The following ITM2B variants were observed in gnomAD, a reference collection of about 807,000 sequenced individuals.
ITM2B encodes integral membrane protein 2B, also known as ABri/ADan amyloid peptide.
In ITM2B, 11 loss-of-function variants were observed where a neutral mutation model predicts 27.8. The ratio of observed to expected loss-of-function variants is 0.40; its 90% CI spans 0.25 to 0.66. The LOEUF (loss-of-function observed/expected upper bound fraction) is 0.66. ITM2B is among the 30% of genes least tolerant of loss of function. The pLI is 0.43. For missense variants in ITM2B, 296 were observed against 328.9 expected, an observed-to-expected ratio of 0.90 and a Z score of 0.77; for synonymous variants, 114 against 114.3, an observed-to-expected ratio of 1.00 and a Z score of 0.02.
chr13:48,266,009 T>C lies in ITM2B; in HGVS notation c.*4785T>C, dbSNP rs1163601066. The C allele has an allele frequency of 6.6e-6, 1 of 152,180 alleles. No homozygotes were observed. The highest frequency in any genetic ancestry group is 1.5e-5 in the Non-Finnish European group (1 of 68,042). 9.4% of individuals were successfully genotyped at this position (152,180 alleles called of 1,614,324 possible). On this transcript the variant is annotated 3_prime_UTR_variant, in exon 6 of 6. Transcript: ENST00000647800. Reference sequence around the variant, plus strand: ...ACACATAGTTGCAGCTCTTATTTATTGAATGAATGAATGATTCCTTCCCGT... The same window carrying C: ...ACACATAGTTGCAGCTCTTATTTATCGAATGAATGAATGATTCCTTCCCGT...
At chr13:48,238,567 A>G (rs1373181475) in intron 1 of ITM2B, among the ~76,000 whole-genome samples, 1 of 152,198 alleles carries the variant, frequency 6.6e-6, no homozygotes, top group Non-Finnish European at 1.5e-5. Context: ...CAATAATTTT[A>G]TGATGTTGAA....
chr13:48,233,999 CT>C (rs1356311249), intron 1 of ITM2B, among the ~76,000 whole-genome samples: 1 of 152,112 alleles, frequency 6.6e-6, no homozygotes, highest in Non-Finnish European at 1.5e-5. Context: ...TCTTTACCTC[CT>C]TTTTCCACGG....
At chr13:48,236,867 T>C (rs1283318507) in intron 1 of ITM2B, among the ~76,000 whole-genome samples, 1 of 152,214 alleles carries the variant, frequency 6.6e-6, no homozygotes, top group African/African-American at 2.4e-5. Flanking sequence ...AGTGTTGCTT[T>C]CTCTCTACCC....
intron 3 of ITM2B, among the ~76,000 whole-genome samples, chr13:48,257,294 G>T (rs1951795465): frequency 6.6e-6 from 1 of 152,130 alleles, no homozygotes; most frequent in Non-Finnish European, 1.5e-5. Flanking sequence ...AGGGACTACT[G>T]TATTTAATAT....
At chr13:48,237,578 G>A (rs1951675253) in intron 1 of ITM2B, among the ~76,000 whole-genome samples, 1 of 152,180 alleles carries the variant, frequency 6.6e-6, no homozygotes, top group African/African-American at 2.4e-5. Context: ...TATGTGACTG[G>A]AAGTATTTTT....
At chr13:48,251,885 TTTC>T (rs1951758081) in intron 1 of ITM2B, among the ~76,000 whole-genome samples, 1 of 152,258 alleles carries the variant, frequency 6.6e-6, no homozygotes, top group Admixed American at 6.5e-5. Context: ...GTCATTAAAG[TTTC>T]ATAATACCTT....
Position 48,233,274 on chromosome 13 carries a change from G to A in ITM2B, c.-87G>A. The A allele has an allele frequency of 2.5e-6, 2 of 803,142 alleles. No individual in the cohort carries two copies. Among genetic ancestry groups the A allele is most frequent in the Non-Finnish European group, 3.8e-6 (2 of 522,790 alleles). 49.8% of individuals were successfully genotyped at this position (803,142 alleles called of 1,614,324 possible). The stretch of plus-strand genomic sequence containing the variant: ...CCGCCCGGAGCCGCTCCCGGAGCCC[G>A]GCCGTAGAGGCTGCAATCGCAGCCG... On this transcript the variant is annotated 5_prime_UTR_variant, in exon 1 of 6. Coordinates refer to ENST00000647800, the MANE Select transcript of ITM2B (RefSeq NM_021999.5).
rs753647273 is a variant in ITM2B at position 48,261,130 on chromosome 13, C to T, written c.716-9C>T. 13 of 1,605,088 alleles carry T rather than the reference C, an allele frequency of 8.1e-6. No homozygotes were observed. The South Asian group carries it at 1.3e-4, about 16-fold the overall frequency. ...AAAATTTTAAAAAACTTTTTTCCCT[C>T]TCCAACAGGTATTCAGAAACGTGAA... On this transcript the variant is annotated splice_polypyrimidine_tract_variant and intron_variant, in intron 5 of 5. Coordinates refer to ENST00000647800, the MANE Select transcript of ITM2B (RefSeq NM_021999.5).
chr13:48,268,846 A>G lies in ITM2B; in HGVS notation c.*7622A>G, dbSNP rs1048969798. On this transcript the variant is annotated 3_prime_UTR_variant, in exon 6 of 6. Transcript: ENST00000647800. ...AAATATACATAATAAATACATGACA[A>G]TGCAGGAGTCCAAGTATTATTAGGT... 6.6e-6 allele frequency: 1 copy of G among 152,240 alleles called. No homozygotes were observed. Among genetic ancestry groups the G allele is most frequent in the African/African-American group, 2.4e-5 (1 of 41,452 alleles). The allele number at this position is 152,240 out of a possible 1,614,324, so 9.4% of individuals were successfully genotyped here.
In ITM2B at chr13:48,261,914, A is replaced by T. The variant is rs910110897; in HGVS notation, c.*690A>T. ...TTCCCGTATAATAAAACCAAAGAAT[A>T]GTTTGGTTCTTCAAATCTTAAGAGA... is the stretch of plus-strand genomic sequence containing the variant. On this transcript the variant is annotated 3_prime_UTR_variant, in exon 6 of 6. Transcript: ENST00000647800. The T allele has an allele frequency of 6.6e-6, 1 of 152,572 alleles. No individual in the cohort carries two copies. Among genetic ancestry groups the T allele is most frequent in the East Asian group, 1.9e-4 (1 of 5,202 alleles). The allele number at this position is 152,572 out of a possible 1,614,324, so 9.5% of individuals were successfully genotyped here.
At chr13:48,255,753 A>G (rs1951783294) in intron 2 of ITM2B, among the ~76,000 whole-genome samples, 1 of 152,174 alleles carries the variant, frequency 6.6e-6, no homozygotes, top group East Asian at 1.9e-4. Context: ...TTTTTTGGCT[A>G]ATAAGAAAAA....
Position 48,233,448 on chromosome 13 carries a change from C to A in ITM2B, c.88C>A (p.Pro30Thr), listed in dbSNP as rs769773974. The change falls in exon 1 of 6, where the codon CCC becomes ACC. Residue 30 changes from proline (P) to threonine (T), a missense_variant. Transcript: ENST00000647800. ...GAGCGGCGAGGAGGCGCTCATCATC[C>A]CCCCCGACGCCGTCGCGGTGGACTG... is the stretch of plus-strand genomic sequence containing the variant. ...PKSGEEALII[P>T]PDAVAVDCKD... The A allele has an allele frequency of 3.3e-6, 5 of 1,536,890 alleles. No homozygotes were observed. The highest frequency in any genetic ancestry group is 1.4e-5 in the African/African-American group (1 of 70,054).
intron 5 of ITM2B, among the ~76,000 whole-genome samples, chr13:48,259,791 A>G (rs1951811375): frequency 6.6e-6 from 1 of 151,506 alleles, no homozygotes; most frequent in African/African-American, 2.4e-5. Context: ...GGTTTGGGGT[A>G]CAGATGATCC....
At position 48,243,823 on chromosome 13, in the gene ITM2B, AAATT is replaced by A. The variant is rs559009054; in HGVS notation, c.118-9970_118-9967del. The stretch of plus-strand genomic sequence containing the variant: ...CAGAGCAAGACCCTGTCTCAAAAAA[AAATT>A]AATTAATTAATTAAAAAGTATATAT... On this transcript the variant is annotated intron_variant, in intron 1 of 5. Transcript: ENST00000647800. Among the ~76,000 whole-genome samples the A allele has an allele frequency of 8.3e-3, 1,259 of 152,122 alleles. 15 individuals carry two copies. The highest frequency in any genetic ancestry group is 0.029 in the African/African-American group (1,182 of 41,466).
At chr13:48,239,079 C>A (rs1288509935) in intron 1 of ITM2B, among the ~76,000 whole-genome samples, 1 of 152,154 alleles carries the variant, frequency 6.6e-6, no homozygotes, top group Non-Finnish European at 1.5e-5. Flanking sequence ...CAAAAGCAGA[C>A]CCATTTTTAT....
At chr13:48,241,368 C>G (rs1308483493) in intron 1 of ITM2B, among the ~76,000 whole-genome samples, 2 of 152,148 alleles carry the variant, frequency 1.3e-5, no homozygotes, top group African/African-American at 4.8e-5. Context: ...CCCACCACCA[C>G]TCCCAGCTAA....
chr13:48,264,840 T>C lies in ITM2B; in HGVS notation c.*3616T>C, dbSNP rs561960609. On this transcript the variant is annotated 3_prime_UTR_variant, in exon 6 of 6. Transcript: ENST00000647800. Reference sequence around the variant, plus strand: ...TGATTTAGTCTCAGCTCTCTATTGATCATTTTAGGCTTTTATCTTACTGAA... The same window carrying C: ...TGATTTAGTCTCAGCTCTCTATTGACCATTTTAGGCTTTTATCTTACTGAA... 3 of 152,316 alleles carry C rather than the reference T, an allele frequency of 2.0e-5. No individual in the cohort carries two copies. In the East Asian group the frequency reaches 5.8e-4, roughly 29 times the overall value. 9.4% of individuals were successfully genotyped at this position (152,316 alleles called of 1,614,324 possible).
In ITM2B at chr13:48,267,501, T is replaced by C. The variant is rs1951859669; in HGVS notation, c.*6277T>C. ...CTAGCCCTGCAGCTAGCTGACACTC[T>C]AAAAAATTATGAGTGCCTTCCTTTA... On this transcript the variant is annotated 3_prime_UTR_variant, in exon 6 of 6. Coordinates refer to ENST00000647800, the MANE Select transcript of ITM2B (RefSeq NM_021999.5). 1 of 152,134 alleles carries C rather than the reference T, an allele frequency of 6.6e-6. No individual in the cohort carries two copies. Among genetic ancestry groups the C allele is most frequent in the South Asian group, 2.1e-4 (1 of 4,834 alleles). 9.4% of individuals were successfully genotyped at this position (152,134 alleles called of 1,614,324 possible). A position where few individuals can be genotyped will look rare whatever the true frequency, so the allele number is the denominator to read the frequency against.
chr13:48,234,931 A>C (rs1357463730), intron 1 of ITM2B, among the ~76,000 whole-genome samples: 1 of 152,236 alleles, frequency 6.6e-6, no homozygotes, highest in Non-Finnish European at 1.5e-5. Context: ...TTGTTTATCT[A>C]ACATTCGTTG....
Sources: allele counts gnomAD v4.1 joint callset (sites outside exome capture counted in the v4.1 genomes callset), GRCh38; gene constraint gnomAD v4.1.1; transcripts MANE v1.5; gene names NCBI Gene and HGNC (gene_info 2026-07-23, HGNC 2026-07-21).